Variants in DROSHA observed in about 807,000 individuals in gnomAD.
DROSHA encodes the protein drosha ribonuclease III.
A neutral mutation model predicts 181.9 loss-of-function variants in DROSHA; 56 were observed. The ratio of observed to expected loss-of-function variants is 0.31; its 90% CI spans 0.25 to 0.38. The LOEUF is 0.38. Among genes scored for constraint, DROSHA ranks in the 10% least tolerant of loss-of-function variants. DROSHA has a pLI of 1.00. For missense variants in DROSHA, 1,218 were observed against 1,743.5 expected (o/e 0.70, Z 5.37); for synonymous variants, 524 against 591.2 (o/e 0.89, Z 1.65).
At position 31,451,832 on chromosome 5, in the gene DROSHA, C is replaced by T. The variant is rs1441240654; in HGVS notation, c.2575-192G>A. 2.0e-5 allele frequency among the ~76,000 whole-genome samples: 3 copies of T among 152,182 alleles called. No individual in the cohort carries two copies. In the East Asian group the frequency reaches 5.8e-4, roughly 29 times the overall value. On this transcript the variant is annotated intron_variant, in intron 20 of 35. Coordinates refer to ENST00000344624, the MANE Select transcript of DROSHA (RefSeq NM_001382508.1). ...TGTAGCTGTTAAGAGTATATAGTCT[C>T]TAGAATCAGAATGCCTGGGTCTAAA...
rs527502114 is a variant in DROSHA, at chr5:31,515,510, A to G, written c.1002T>C (p.Pro334=). The G allele has an allele frequency of 6.6e-7, 1 of 1,514,580 alleles. No homozygotes were observed. 93.8% of individuals were successfully genotyped at this position (1,514,580 alleles called of 1,614,324 possible). Residue 334 remains proline (P), a synonymous_variant, in exon 7 of 36, where the codon CCT becomes CCC. Coordinates refer to ENST00000344624, the MANE Select transcript of DROSHA (RefSeq NM_001382508.1). The stretch of plus-strand genomic sequence containing the variant: ...AATCTGTATTTTTAATAATCTCCCC[A>G]GGTAATTCTGGTGTGCATCCAGCAG... ...PEPAGCTPEL[P]GEIIKNTDSW... is the part of the protein sequence containing the mutation.
At chr5:31,487,435 G>GC (rs1240143300) in intron 13 of DROSHA, among the ~76,000 whole-genome samples, 1 of 152,132 alleles carries the variant, frequency 6.6e-6, no homozygotes, top group East Asian at 1.9e-4. Flanking sequence ...CACATAACAG[G>GC]TTTTCCGTAA....
rs376968837 is a variant in DROSHA at position 31,410,935 on chromosome 5, C to T, written c.3526-48G>A. 2.2e-5 allele frequency: 36 copies of T among 1,608,008 alleles called. No individual in the cohort carries two copies. The Middle Eastern group carries it at 5.0e-4, about 22-fold the overall frequency. Reference sequence around the variant, plus strand: ...CATTGAGAACACATTTCACTTTTGACCTCTCTTATTCCTGGGTTGGACCCA... The same window carrying T: ...CATTGAGAACACATTTCACTTTTGATCTCTCTTATTCCTGGGTTGGACCCA... On this transcript the variant is annotated intron_variant, in intron 30 of 35. Coordinates refer to ENST00000344624, the MANE Select transcript of DROSHA (RefSeq NM_001382508.1).
intron 9 of DROSHA, 90 bp downstream of exon 9, chr5:31,510,945 C>T: frequency 6.8e-7 from 1 of 1,464,916 alleles, no homozygotes; most frequent in Non-Finnish European, 9.3e-7. Context: ...GAAGAAATCT[C>T]AATGTGGGAC....
chr5:31,401,386 T>A lies in DROSHA; in HGVS notation c.*46A>T. On this transcript the variant is annotated 3_prime_UTR_variant, in exon 36 of 36. Transcript: ENST00000344624. ...TAGGCTAGGTCTCAATAGACAACAG[T>A]CACAGTTACTGAGCAAGTAAATACT... 1 of 1,599,868 alleles carries A rather than the reference T, an allele frequency of 6.3e-7. No homozygotes were observed. Among genetic ancestry groups the A allele is most frequent in the Non-Finnish European group, 8.5e-7 (1 of 1,170,790 alleles).
intron 20 of DROSHA, among the ~76,000 whole-genome samples, chr5:31,459,705 T>C (rs1226574237): frequency 6.6e-6 from 1 of 152,224 alleles, no homozygotes; most frequent in Non-Finnish European, 1.5e-5. Flanking sequence ...TGACAAATCA[T>C]TGAGCAAGAG....
chr5:31,410,725 A>G (rs1741210992), intron 31 of DROSHA, 21 bp downstream of exon 31: 1 of 1,607,974 alleles, frequency 6.2e-7, no homozygotes, highest in South Asian at 1.1e-5. Context: ...GGAGGTTGAG[A>G]GAAAAGTGTG....
At chr5:31,420,178 T>C (rs1742496438) in intron 30 of DROSHA, among the ~76,000 whole-genome samples, 1 of 152,124 alleles carries the variant, frequency 6.6e-6, no homozygotes, top group African/African-American at 2.4e-5. Flanking sequence ...AAAGATAAAA[T>C]CCAATTCTAT....
At chr5:31,487,953 A>G (rs942265677) in intron 13 of DROSHA, among the ~76,000 whole-genome samples, 6 of 152,364 alleles carry the variant, frequency 3.9e-5, no homozygotes, top group African/African-American at 1.4e-4. Flanking sequence ...AAAATAAGCT[A>G]CGGGTCCTAT....
chr5:31,418,880 G>A (rs988517321), intron 30 of DROSHA, among the ~76,000 whole-genome samples: 5 of 152,152 alleles, frequency 3.3e-5, no homozygotes, highest in African/African-American at 1.2e-4. Flanking sequence ...TACACATGTT[G>A]AGATGTTGAG....
chr5:31,464,362 T>C lies in DROSHA; in HGVS notation c.2467-19A>G. 6.2e-7 allele frequency: 1 copy of C among 1,607,486 alleles called. No homozygotes were observed. The highest frequency in any genetic ancestry group is 1.1e-5 in the South Asian group (1 of 90,688). ...GGGCTTCCTAGAAAAGAATTCATTATGATGAGTAACACAACTGCTATAAAG... is the reference window on the plus strand; with the variant it reads ...GGGCTTCCTAGAAAAGAATTCATTACGATGAGTAACACAACTGCTATAAAG... On this transcript the variant is annotated intron_variant, in intron 19 of 35. Transcript: ENST00000344624.
chr5:31,421,826 A>T (rs1329976068), intron 29 of DROSHA: 1 of 137,578 alleles, frequency 7.3e-6, no homozygotes, highest in Non-Finnish European at 1.5e-5. Flanking sequence ...ACTTGAGCCC[A>T]GGAGTTTGAG....
intron 23 of DROSHA, among the ~76,000 whole-genome samples, chr5:31,446,446 C>CA (rs60001713): frequency 0.14 from 7,997 of 59,066 alleles, 851 homozygotes; most frequent in East Asian, 0.25. Flanking sequence ...GACTCTGTCT[C>CA]AAAAAAAAAA....
rs896572470 is a variant in DROSHA, at chr5:31,401,082, C to T, written c.*350G>A. 2 of 265,640 alleles carry T rather than the reference C, an allele frequency of 7.5e-6. No homozygotes were observed. Among genetic ancestry groups the T allele is most frequent in the African/African-American group, 4.6e-5 (2 of 43,860 alleles). The allele number at this position is 265,640 out of a possible 1,614,324, so 16.5% of individuals were successfully genotyped here. On this transcript the variant is annotated 3_prime_UTR_variant, in exon 36 of 36. Coordinates refer to ENST00000344624, the MANE Select transcript of DROSHA (RefSeq NM_001382508.1). ...AATGTCTAGTAAAGTCAATTTTTTA[C>T]TTGTCAATTGAAAGTCTAGGGTCAC...
In DROSHA at chr5:31,531,997, A is replaced by G; in HGVS notation, c.-257T>C. 4.0e-6 allele frequency: 1 copy of G among 252,438 alleles called. No individual in the cohort carries two copies. Among genetic ancestry groups the G allele is most frequent in the Non-Finnish European group, 7.8e-6 (1 of 128,326 alleles). 15.6% of individuals were successfully genotyped at this position (252,438 alleles called of 1,614,324 possible). ...GCAAGGTACCCCTTTTACCTATAAA[A>G]GGCTCTCGGGCCGCGAGATCGCCGT... On this transcript the variant is annotated 5_prime_UTR_variant, in exon 1 of 36. Coordinates refer to ENST00000344624, the MANE Select transcript of DROSHA (RefSeq NM_001382508.1).
intron 25 of DROSHA, among the ~76,000 whole-genome samples, chr5:31,431,915 G>T (rs1161450507): frequency 6.6e-6 from 1 of 152,110 alleles, no homozygotes; most frequent in Admixed American, 6.6e-5. Context: ...AACTCCAATA[G>T]TTCAAGTAGG....
Position 31,448,573 on chromosome 5 carries a change from A to T in DROSHA, c.2856T>A (p.Leu952=). 6.2e-7 allele frequency: 1 copy of T among 1,613,808 alleles called. No individual in the cohort carries two copies. Among genetic ancestry groups the T allele is most frequent in the South Asian group, 1.1e-5 (1 of 91,078 alleles). Residue 952 remains leucine, a synonymous_variant, in exon 23 of 36, where the codon CTT becomes CTA. Coordinates refer to ENST00000344624, the MANE Select transcript of DROSHA (RefSeq NM_001382508.1). ...INTLINIMSR[L]GQDDPTPSRI... The stretch of plus-strand genomic sequence containing the variant: ...TCGAGGGAGTTGGGTCATCTTGGCC[A>T]AGGCGTGACATGATATTTATCAAGG...
intron 6 of DROSHA, among the ~76,000 whole-genome samples, chr5:31,519,843 T>G (rs1739684164): frequency 6.6e-6 from 1 of 152,238 alleles, no homozygotes; most frequent in Non-Finnish European, 1.5e-5. Flanking sequence ...TTTTCTAATA[T>G]TAACTTTTCT....
intron 12 of DROSHA, among the ~76,000 whole-genome samples, chr5:31,494,820 G>A (rs1004205096): frequency 1.3e-5 from 2 of 150,120 alleles, no homozygotes; most frequent in East Asian, 3.9e-4. Flanking sequence ...GACTACAGGT[G>A]CCCGCCACCA....
Sources: allele counts gnomAD v4.1 joint callset (sites outside exome capture counted in the v4.1 genomes callset), GRCh38; gene constraint gnomAD v4.1.1; transcripts MANE v1.5; gene names NCBI Gene and HGNC (gene_info 2026-07-23, HGNC 2026-07-21).